Variants in LHCGR observed in about 807,000 individuals in gnomAD.
The protein encoded by LHCGR is lutropin-choriogonadotropic hormone receptor.
A neutral mutation model predicts 60.7 loss-of-function variants in LHCGR; 55 were observed. The observed-to-expected ratio is 0.91, with a 90% CI of 0.73 to 1.13. The LOEUF is 1.13. LHCGR is among the 50% of genes most tolerant of loss of function. The probability of loss-of-function intolerance (pLI) is 0.00; values close to 1 mark genes in which losing one functional copy is unlikely to be tolerated. For missense variants in LHCGR, 862 were observed against 836.0 expected (o/e 1.03, Z -0.38); for synonymous variants, 337 against 316.5 (o/e 1.06, Z -0.69).
intron 7 of LHCGR, among the ~76,000 whole-genome samples, chr2:48,711,806 G>A (rs1279810840): frequency 6.6e-6 from 1 of 152,040 alleles, no homozygotes; most frequent in Non-Finnish European, 1.5e-5. Context: ...GATGATCCTG[G>A]CATTTGTGTC....
At chr2:48,709,714 TC>T (rs1667883581) in intron 7 of LHCGR, among the ~76,000 whole-genome samples, 1 of 151,432 alleles carries the variant, frequency 6.6e-6, no homozygotes, top group African/African-American at 2.4e-5. Flanking sequence ...TGGAAGTAGC[TC>T]CCTGAGGGCT....
At position 48,748,970 on chromosome 2, in the gene LHCGR, C is replaced by T. The variant is rs147160393; in HGVS notation, c.161+6541G>A. ...ACCCTACCCTGTCACACCACAGCAT[C>T]CTCACCTCTGTGGGCTCAGAAATGC... On this transcript the variant is annotated intron_variant, in intron 1 of 10. Transcript: ENST00000294954. Among the ~76,000 whole-genome samples the T allele has an allele frequency of 5.3e-5, 8 of 152,320 alleles. No individual in the cohort carries two copies. In the East Asian group the frequency reaches 1.5e-3, roughly 29 times the overall value.
At chr2:48,727,495 CT>C (rs1417891049) in intron 3 of LHCGR, among the ~76,000 whole-genome samples, 3 of 152,182 alleles carry the variant, frequency 2.0e-5, no homozygotes, top group Non-Finnish European at 4.4e-5. Flanking sequence ...ATGTTTCTTT[CT>C]GTTGATGAAT....
Position 48,693,032 on chromosome 2 carries a change from C to G in LHCGR, c.947+1192G>C, listed in dbSNP as rs540800148. On this transcript the variant is annotated intron_variant, in intron 10 of 10. Coordinates refer to ENST00000294954, the MANE Select transcript of LHCGR (RefSeq NM_000233.4). ...GAGGATGGTTTAAAGTCTTCCTTCC[C>G]CTCAAACCACTCCTTGGTGCTATTA... Among the ~76,000 whole-genome samples the G allele has an allele frequency of 2.5e-4, 38 of 152,182 alleles. 3 individuals carry two copies. Among genetic ancestry groups the G allele is most frequent in the African/African-American group, 9.2e-4 (38 of 41,506 alleles).
intron 7 of LHCGR, among the ~76,000 whole-genome samples, chr2:48,713,384 C>T (rs1038449774): frequency 6.6e-6 from 1 of 152,108 alleles, no homozygotes; most frequent in African/African-American, 2.4e-5. Flanking sequence ...GAATATGCCA[C>T]TCTTTTAGAA....
At chr2:48,744,000 A>G (rs1010376010) in intron 1 of LHCGR, among the ~76,000 whole-genome samples, 3 of 138,354 alleles carry the variant, frequency 2.2e-5, no homozygotes, top group Non-Finnish European at 3.1e-5. Flanking sequence ...GCAAAGTCTC[A>G]GGATACAAAA....
chr2:48,709,283 C>T (rs1358764521), intron 7 of LHCGR, among the ~76,000 whole-genome samples: 1 of 152,116 alleles, frequency 6.6e-6, no homozygotes, highest in Non-Finnish European at 1.5e-5. Context: ...GCTTAAAGTA[C>T]TCACCCCCTC....
intron 2 of LHCGR, among the ~76,000 whole-genome samples, chr2:48,730,130 C>A (rs1572873590): frequency 6.6e-6 from 1 of 152,306 alleles, no homozygotes; most frequent in South Asian, 2.1e-4. Context: ...CTGAAGGCTT[C>A]AGACTGATGA....
At chr2:48,752,983 G>GT (rs1410969435) in intron 1 of LHCGR, among the ~76,000 whole-genome samples, 1 of 87,334 alleles carries the variant, frequency 1.1e-5, no homozygotes, top group Non-Finnish European at 2.3e-5. Flanking sequence ...GATTTTGGCG[G>GT]GGGGGGGGGG....
At chr2:48,726,887 G>T (rs1009274551) in intron 3 of LHCGR, among the ~76,000 whole-genome samples, 1 of 152,160 alleles carries the variant, frequency 6.6e-6, no homozygotes, top group African/African-American at 2.4e-5. Context: ...TGAATGATTT[G>T]TCTTCGGTCA....
intron 8 of LHCGR, among the ~76,000 whole-genome samples, chr2:48,699,003 G>T (rs1425158577): frequency 6.6e-6 from 1 of 151,992 alleles, no homozygotes; most frequent in Non-Finnish European, 1.5e-5. Context: ...TACCACGCCC[G>T]GCTAAGAGAC....
intron 1 of LHCGR, among the ~76,000 whole-genome samples, chr2:48,733,470 A>G (rs893272218): frequency 2.0e-5 from 3 of 152,198 alleles, no homozygotes; most frequent in Non-Finnish European, 4.4e-5. Flanking sequence ...TGGCTACAGA[A>G]GCAGCCCTGG....
chr2:48,692,524 T>C (rs923347611), intron 10 of LHCGR, among the ~76,000 whole-genome samples: 3 of 152,230 alleles, frequency 2.0e-5, no homozygotes, highest in Non-Finnish European at 2.9e-5. Context: ...GGCAGCATCA[T>C]GCTTATTGAC....
At chr2:48,689,302 G>A (rs1236442712) in intron 10 of LHCGR, among the ~76,000 whole-genome samples, 2 of 152,038 alleles carry the variant, frequency 1.3e-5, no homozygotes, top group African/African-American at 4.8e-5. Flanking sequence ...TCTATGCTTG[G>A]TAAATCTAAA....
At position 48,687,505 on chromosome 2, in the gene LHCGR, A is replaced by G. The variant is rs1268210330; in HGVS notation, c.*192T>C. 9 of 539,252 alleles carry G rather than the reference A, an allele frequency of 1.7e-5. No individual in the cohort carries two copies. Among genetic ancestry groups the G allele is most frequent in the Non-Finnish European group, 2.6e-5 (8 of 306,064 alleles). 33.4% of individuals were successfully genotyped at this position (539,252 alleles called of 1,614,324 possible). On this transcript the variant is annotated 3_prime_UTR_variant, in exon 11 of 11. Coordinates refer to ENST00000294954, the MANE Select transcript of LHCGR (RefSeq NM_000233.4). Reference sequence around the variant, plus strand: ...CTCAACTTCAGTATTTATGCCATGTAACAATGACAAATAGTTTTTAGTGTG... The same window carrying G: ...CTCAACTTCAGTATTTATGCCATGTGACAATGACAAATAGTTTTTAGTGTG...
chr2:48,696,791 C>T (rs1021386029), intron 9 of LHCGR, among the ~76,000 whole-genome samples: 1 of 151,666 alleles, frequency 6.6e-6, no homozygotes, highest in Admixed American at 6.6e-5. Context: ...GTCTCTTTCA[C>T]CTACTGGAAT....
Position 48,686,946 on chromosome 2 carries a change from C to T in LHCGR, c.*751G>A, listed in dbSNP as rs1679922175. 1 of 152,156 alleles carries T rather than the reference C, an allele frequency of 6.6e-6. No individual in the cohort carries two copies. The highest frequency in any genetic ancestry group is 6.6e-5 in the Admixed American group (1 of 15,266). The allele number at this position is 152,156 out of a possible 1,614,324, so 9.4% of individuals were successfully genotyped here. On this transcript the variant is annotated 3_prime_UTR_variant, in exon 11 of 11. Transcript: ENST00000294954. ...AGCAGGAAAACAAAATGCACTGAGACAGGGTTCCTACTCACGAGGAGTTTA... is the reference window on the plus strand; with the variant it reads ...AGCAGGAAAACAAAATGCACTGAGATAGGGTTCCTACTCACGAGGAGTTTA...
rs773048744 is a variant in LHCGR at position 48,687,659 on chromosome 2, T to A, written c.*38A>T. On this transcript the variant is annotated 3_prime_UTR_variant, in exon 11 of 11. Transcript: ENST00000294954. ...GTACAGGTAATTTTTTTTTACAGGT[T>A]TAAGAACAATTCAATAATGCAGTTA... 6.5e-7 allele frequency: 1 copy of A among 1,547,570 alleles called. No homozygotes were observed. The highest frequency in any genetic ancestry group is 8.9e-7 in the Non-Finnish European group (1 of 1,119,882).
chr2:48,727,566 A>C lies in LHCGR; in HGVS notation c.308+1587T>G, dbSNP rs183641647. ...TAGCTGCCCTGGTGGTTCTCAATAT[A>C]AGCTGTGTTTTAGCATTACCTGGGA... On this transcript the variant is annotated intron_variant, in intron 3 of 10. Transcript: ENST00000294954. Among the ~76,000 whole-genome samples the C allele has an allele frequency of 2.4e-3, 359 of 152,312 alleles. 2 individuals are homozygous for C. The highest frequency in any genetic ancestry group is 3.0e-3 in the Non-Finnish European group (207 of 68,016).
Sources: gnomAD v4.1 joint callset for allele counts (sites outside exome capture counted in the v4.1 genomes callset) on GRCh38, gnomAD v4.1.1 for gene constraint, MANE v1.5 for transcripts, NCBI Gene and HGNC (gene_info 2026-07-23, HGNC 2026-07-21) for gene names.